Variants in PSD3 observed in about 807,000 individuals in gnomAD.
PSD3 encodes the protein pleckstrin and Sec7 domain containing 3, also known as PH and SEC7 domain-containing protein 3.
Under a neutral mutation model 105.5 loss-of-function variants are expected in PSD3, and 49 were observed. The ratio of observed to expected loss-of-function variants is 0.46; its 90% CI spans 0.37 to 0.59. The LOEUF (loss-of-function observed/expected upper bound fraction) is 0.59, where lower values mean the gene tolerates loss of function less well. PSD3 is among the 20% of genes least tolerant of loss of function. PSD3 has a pLI of 0.00. For synonymous variants in PSD3, 557 were observed against 457.8 expected (o/e 1.22, Z -2.77); for missense variants, 1,561 against 1,263.8 (o/e 1.24, Z -3.57).
intron 9 of PSD3, among the ~76,000 whole-genome samples, chr8:18,656,733 G>C (rs998619355): frequency 6.6e-6 from 1 of 151,990 alleles, no homozygotes; most frequent in African/African-American, 2.4e-5. Flanking sequence ...TTAAGACACA[G>C]GGTCTTGCTG....
chr8:18,903,106 A>T (rs1159135701), intron 2 of PSD3, among the ~76,000 whole-genome samples: 1 of 152,076 alleles, frequency 6.6e-6, no homozygotes, highest in Non-Finnish European at 1.5e-5. Flanking sequence ...AGGATCTGTG[A>T]CTCAGAGCTA....
intron 11 of PSD3, among the ~76,000 whole-genome samples, chr8:18,606,869 A>G (rs1804877190): frequency 6.6e-6 from 1 of 152,220 alleles, no homozygotes; most frequent in South Asian, 2.1e-4. Context: ...TATGTGTTCC[A>G]AACAATCTTT....
chr8:18,709,847 C>G (rs747539049), intron 9 of PSD3, among the ~76,000 whole-genome samples: 2 of 152,114 alleles, frequency 1.3e-5, no homozygotes. Context: ...GGCCAGCAGC[C>G]TCAAAGATCC....
intron 9 of PSD3, among the ~76,000 whole-genome samples, chr8:18,737,358 A>C (rs10096367): frequency 6.6e-6 from 1 of 152,098 alleles, no homozygotes; most frequent in South Asian, 2.1e-4. Flanking sequence ...ACGGGGTCTT[A>C]CTCTGTAGCC....
intron 4 of PSD3, among the ~76,000 whole-genome samples, chr8:18,852,988 G>C (rs1815714471): frequency 6.6e-6 from 1 of 152,064 alleles, no homozygotes; most frequent in African/African-American, 2.4e-5. Context: ...CTTCAGAAGT[G>C]GTTAAGTAAC....
rs140769912 is a variant in PSD3, at chr8:18,712,350, T to C, written c.2172+53099A>G. Among the ~76,000 whole-genome samples the C allele has an allele frequency of 7.5e-3, 1,131 of 150,870 alleles. 11 individuals are homozygous for C. Among genetic ancestry groups the C allele is most frequent in the South Asian group, 0.017 (83 of 4,800 alleles). On this transcript the variant is annotated intron_variant, in intron 9 of 15. Coordinates refer to ENST00000327040, the MANE Select transcript of PSD3 (RefSeq NM_015310.4). The stretch of plus-strand genomic sequence containing the variant: ...AAATCAATGAATCCCAGAGCTGGTT[T>C]TTTGAAAAAATTAATAGATGAACCA...
intron 15 of PSD3, among the ~76,000 whole-genome samples, chr8:18,548,836 T>G (rs1485526320): frequency 6.6e-6 from 1 of 152,138 alleles, no homozygotes; most frequent in Admixed American, 6.5e-5. Flanking sequence ...AGGTGAGGCA[T>G]CCCATGCAGC....
At chr8:18,984,242 A>C (rs1279903773) in intron 1 of PSD3, among the ~76,000 whole-genome samples, 1 of 149,942 alleles carries the variant, frequency 6.7e-6, no homozygotes, top group African/African-American at 2.4e-5. Flanking sequence ...CAATAAAACA[A>C]GCTATGCCTA....
At chr8:18,639,445 G>C (rs985352061) in intron 10 of PSD3, among the ~76,000 whole-genome samples, 1 of 152,042 alleles carries the variant, frequency 6.6e-6, no homozygotes, top group Non-Finnish European at 1.5e-5. Context: ...TTAGTGTTAT[G>C]GGTTTAATTC....
intron 15 of PSD3, 98 bp downstream of exon 15, chr8:18,556,111 G>A (rs933823961): frequency 2.5e-5 from 35 of 1,386,848 alleles, no homozygotes; most frequent in South Asian, 9.1e-5. Flanking sequence ...GGCAAGACAC[G>A]CCTCTCTCAG....
chr8:18,693,629 A>T (rs1315960855), intron 9 of PSD3, among the ~76,000 whole-genome samples: 1 of 152,142 alleles, frequency 6.6e-6, no homozygotes. Flanking sequence ...TGGCGTAAAG[A>T]CTCAGAGTCG....
chr8:18,936,077 A>G lies in PSD3; in HGVS notation c.87T>C (p.Tyr29=), dbSNP rs1014002718. 2.5e-6 allele frequency: 4 copies of G among 1,613,392 alleles called. No homozygotes were observed. Among genetic ancestry groups the G allele is most frequent in the South Asian group, 2.2e-5 (2 of 91,058 alleles). ...AHSQSVAKAK[Y]EFLFGRSEGK... is the part of the protein sequence containing the mutation. ...CTTCAGATCTGCCAAATAAAAATTC[A>G]TATTTGGCCTTGGCAACACTCTGGG... The change falls in exon 2 of 16, where the codon TAT becomes TAC. Residue 29 remains tyrosine (Y), a synonymous_variant. Transcript: ENST00000327040.
At chr8:19,044,375 T>G (rs566037827) in intron 1 of PSD3, among the ~76,000 whole-genome samples, 1 of 152,292 alleles carries the variant, frequency 6.6e-6, no homozygotes, top group Non-Finnish European at 1.5e-5. Context: ...TGCAAGAGCC[T>G]GAGCTTTGGA....
At chr8:18,656,590 A>G (rs10106032) in intron 9 of PSD3, among the ~76,000 whole-genome samples, 61,082 of 151,876 alleles carry the variant, frequency 0.4, 12,833 homozygotes, top group African/African-American at 0.51. Context: ...TGGATAAAAA[A>G]CTTCTTTAGA....
At chr8:18,638,413 C>A (rs1247237729) in intron 10 of PSD3, among the ~76,000 whole-genome samples, 3 of 151,398 alleles carry the variant, frequency 2.0e-5, no homozygotes, top group African/African-American at 7.3e-5. Context: ...TCCCTGACAA[C>A]TGTTAGAACT....
At chr8:18,827,411 C>T (rs1813284528) in intron 4 of PSD3, among the ~76,000 whole-genome samples, 2 of 152,128 alleles carry the variant, frequency 1.3e-5, no homozygotes, top group South Asian at 2.1e-4. Context: ...CACTAGACTA[C>T]AGGGTGCGAA....
intron 9 of PSD3, among the ~76,000 whole-genome samples, chr8:18,671,474 A>G (rs1799778817): frequency 6.6e-6 from 1 of 152,288 alleles, no homozygotes; most frequent in South Asian, 2.1e-4. Context: ...TCCAAGAGGT[A>G]ATGTAGTTAT....
intron 15 of PSD3, among the ~76,000 whole-genome samples, chr8:18,536,454 G>C (rs541245984): frequency 6.6e-6 from 1 of 152,254 alleles, no homozygotes; most frequent in East Asian, 1.9e-4. Context: ...GGACCATTCC[G>C]TGGCTAATCT....
chr8:18,949,380 T>C (rs936566369), intron 1 of PSD3, among the ~76,000 whole-genome samples: 4 of 148,750 alleles, frequency 2.7e-5, no homozygotes, highest in Non-Finnish European at 4.5e-5. Context: ...CCAACCTACA[T>C]GCATGCAGAA....
Sources: allele counts gnomAD v4.1 joint callset (sites outside exome capture counted in the v4.1 genomes callset), GRCh38; gene constraint gnomAD v4.1.1; transcripts MANE v1.5; gene names NCBI Gene and HGNC (gene_info 2026-07-23, HGNC 2026-07-21).